PAK5: variants seen among roughly 807,000 people sequenced by gnomAD.
PAK5 encodes p21 (RAC1) activated kinase 5.
PAK5 carries 16 observed loss-of-function variants against 65.9 expected under a neutral mutation model. The ratio of observed to expected loss-of-function variants is 0.24; its 90% CI spans 0.16 to 0.37. PAK5 has a LOEUF of 0.37. PAK5 is among the 10% of genes least tolerant of loss of function. The pLI, the probability that PAK5 is intolerant of heterozygous loss-of-function variation, is 1.00. For synonymous variants in PAK5, 371 were observed against 354.9 expected (o/e 1.05, Z -0.51); for missense variants, 785 against 903.9 (o/e 0.87, Z 1.69).
chr20:9,666,956 T>C (rs1252821461), intron 2 of PAK5, among the ~76,000 whole-genome samples: 1 of 152,164 alleles, frequency 6.6e-6, no homozygotes, highest in Non-Finnish European at 1.5e-5. Context: ...TAAACATGGC[T>C]GCAAATTTTG....
chr20:9,826,385 G>C (rs1290078708), intron 1 of PAK5, among the ~76,000 whole-genome samples: 1 of 152,152 alleles, frequency 6.6e-6, no homozygotes, highest in African/African-American at 2.4e-5. Flanking sequence ...AAAATCTCCA[G>C]TTTTCATATC....
At chr20:9,620,210 C>T (rs1292292264) in intron 3 of PAK5, among the ~76,000 whole-genome samples, 1 of 152,186 alleles carries the variant, frequency 6.6e-6, no homozygotes, top group Non-Finnish European at 1.5e-5. Flanking sequence ...CAATTATTTC[C>T]CCTTTGGAGT....
intron 9 of PAK5, among the ~76,000 whole-genome samples, chr20:9,541,647 C>T (rs182564768): frequency 5.9e-5 from 9 of 152,244 alleles, no homozygotes; most frequent in Admixed American, 1.3e-4. Flanking sequence ...CAGGTCCCAG[C>T]TCGTTTGATC....
chr20:9,732,353 C>G (rs1227147955), intron 1 of PAK5, among the ~76,000 whole-genome samples: 1 of 151,904 alleles, frequency 6.6e-6, no homozygotes, highest in African/African-American at 2.4e-5. Context: ...TAGTTTGTAC[C>G]AAACATAAAT....
chr20:9,625,639 C>T (rs1250272638), intron 3 of PAK5, among the ~76,000 whole-genome samples: 1 of 152,156 alleles, frequency 6.6e-6, no homozygotes, highest in Admixed American at 6.5e-5. Flanking sequence ...TATTCACAGG[C>T]ACCATCCTAG....
At chr20:9,676,325 T>G (rs567711652) in intron 2 of PAK5, among the ~76,000 whole-genome samples, 2 of 152,164 alleles carry the variant, frequency 1.3e-5, no homozygotes, top group Non-Finnish European at 2.9e-5. Context: ...AGGCAATATA[T>G]GAATTATTTA....
chr20:9,765,104 A>G (rs191633639), intron 1 of PAK5, among the ~76,000 whole-genome samples: 2 of 152,290 alleles, frequency 1.3e-5, no homozygotes, highest in Admixed American at 1.3e-4. Context: ...TGAAATAATG[A>G]GCCATAACAT....
In PAK5 at chr20:9,670,279, A is replaced by G. The variant is rs536663751; in HGVS notation, c.-11-25940T>C. 3.1e-4 allele frequency among the ~76,000 whole-genome samples: 47 copies of G among 152,314 alleles called. No homozygotes were observed. The East Asian group carries it at 7.9e-3, about 26-fold the overall frequency. ...CAGCATGATTTATAATCCTCTGGGT[A>G]TATACCCAGTAATGGGATGGCTGGG... On this transcript the variant is annotated intron_variant, in intron 2 of 9. Transcript: ENST00000353224.
intron 1 of PAK5, among the ~76,000 whole-genome samples, chr20:9,725,031 C>T (rs1057514364): frequency 1.8e-4 from 28 of 152,016 alleles, no homozygotes; most frequent in Non-Finnish European, 3.1e-4. Flanking sequence ...ACACTAACTA[C>T]ATACCCACAA....
At chr20:9,803,720 T>C (rs2049199180) in intron 1 of PAK5, among the ~76,000 whole-genome samples, 2 of 152,188 alleles carry the variant, frequency 1.3e-5, no homozygotes, top group South Asian at 4.1e-4. Flanking sequence ...ATACACCTCT[T>C]CTGGAAACAA....
chr20:9,678,854 A>T (rs1422388009), intron 2 of PAK5, among the ~76,000 whole-genome samples: 1 of 152,172 alleles, frequency 6.6e-6, no homozygotes, highest in Non-Finnish European at 1.5e-5. Flanking sequence ...GGTCCCTCCC[A>T]CGACACATGG....
At chr20:9,551,158 G>A (rs1412433712) in intron 7 of PAK5, among the ~76,000 whole-genome samples, 1 of 152,138 alleles carries the variant, frequency 6.6e-6, no homozygotes, top group African/African-American at 2.4e-5. Flanking sequence ...CACAACATTT[G>A]TCCAAATAAA....
intron 3 of PAK5, among the ~76,000 whole-genome samples, chr20:9,591,741 TG>T (rs2046174975): frequency 6.6e-6 from 1 of 152,118 alleles, no homozygotes; most frequent in African/African-American, 2.4e-5. Flanking sequence ...AGGGCCACAA[TG>T]TATTGCATTC....
Position 9,562,858 on chromosome 20 carries a change from A to G in PAK5, c.1616+33T>C, listed in dbSNP as rs780516916. 2.5e-6 allele frequency: 4 copies of G among 1,592,514 alleles called. No individual in the cohort carries two copies. The South Asian group carries it at 4.5e-5, about 18-fold the overall frequency. The stretch of plus-strand genomic sequence containing the variant: ...TTTATCCTGGAGAAGAATAAGAAGC[A>G]CCTCGAATTCTCTGGATAATAAAGA... On this transcript the variant is annotated intron_variant, in intron 6 of 9. Coordinates refer to ENST00000353224, the MANE Select transcript of PAK5 (RefSeq NM_177990.4).
intron 2 of PAK5, among the ~76,000 whole-genome samples, chr20:9,664,881 T>C (rs1301876312): frequency 6.6e-6 from 1 of 152,040 alleles, no homozygotes; most frequent in African/African-American, 2.4e-5. Flanking sequence ...AAAGAATCCC[T>C]CAAAAAATGG....
rs529998641 is a variant in PAK5 at position 9,596,622 on chromosome 20, C to T, written c.205-15692G>A. On this transcript the variant is annotated intron_variant, in intron 3 of 9. Transcript: ENST00000353224. ...CTGCACTCCAGCCTGGGCGACAGAG[C>T]GAGACTCCGTCTCAAAAAAAAAAAA... 3.0e-4 allele frequency among the ~76,000 whole-genome samples: 35 copies of T among 116,736 alleles called. 2 individuals carry two copies. In the East Asian group the frequency reaches 7.0e-3, roughly 23 times the overall value. 76.6% of individuals were successfully genotyped at this position (116,736 alleles called of 152,430 possible).
At chr20:9,742,928 G>A (rs1049687073) in intron 1 of PAK5, among the ~76,000 whole-genome samples, 1 of 152,202 alleles carries the variant, frequency 6.6e-6, no homozygotes, top group African/African-American at 2.4e-5. Flanking sequence ...CTAACAGGAC[G>A]ATAACCCAGA....
intron 3 of PAK5, among the ~76,000 whole-genome samples, chr20:9,598,747 TA>T (rs1212533953): frequency 1.3e-5 from 2 of 152,252 alleles, no homozygotes; most frequent in African/African-American, 4.8e-5. Context: ...GTTGGCCGCA[TA>T]AATGTCTTCC....
chr20:9,645,747 A>G (rs2047126087), intron 2 of PAK5, among the ~76,000 whole-genome samples: 1 of 151,930 alleles, frequency 6.6e-6, no homozygotes, highest in African/African-American at 2.4e-5. Context: ...ACCATGCCCA[A>G]GCTAATTTTT....
Sources: allele counts gnomAD v4.1 joint callset (sites outside exome capture counted in the v4.1 genomes callset), GRCh38; gene constraint gnomAD v4.1.1; transcripts MANE v1.5; gene names NCBI Gene and HGNC (gene_info 2026-07-23, HGNC 2026-07-21).